CUBN: variants seen among roughly 807,000 people sequenced by gnomAD.
The protein encoded by CUBN is cubilin, also known as 460 kDa receptor.
In CUBN, 282 loss-of-function variants were observed where a neutral mutation model predicts 405.3. The observed-to-expected ratio is 0.70, with a 90% CI of 0.63 to 0.77. The LOEUF is 0.77. Among genes scored for constraint, CUBN ranks in the 30% least tolerant of loss-of-function variants. The probability of loss-of-function intolerance (pLI) is 0.00; values close to 1 mark genes in which losing one functional copy is unlikely to be tolerated. For missense variants in CUBN, 4,514 were observed against 4,475.2 expected, an observed-to-expected ratio of 1.01 and a Z score of -0.25; for synonymous variants, 1,684 against 1,617.0, an observed-to-expected ratio of 1.04 and a Z score of -0.99.
intron 64 of CUBN, among the ~76,000 whole-genome samples, chr10:16,833,747 AG>A (rs1240356882): frequency 6.6e-6 from 1 of 152,242 alleles, no homozygotes; most frequent in Non-Finnish European, 1.5e-5. Context: ...AGCTGAGCAG[AG>A]GCCCGCTAGA....
At chr10:16,855,633 C>A (rs1447283290) in intron 59 of CUBN, among the ~76,000 whole-genome samples, 1 of 152,118 alleles carries the variant, frequency 6.6e-6, no homozygotes, top group African/African-American at 2.4e-5. Flanking sequence ...CATTATAAGA[C>A]ACTGAATTTT....
At chr10:17,085,941 C>T (rs967352024) in intron 15 of CUBN, among the ~76,000 whole-genome samples, 182 bp from the exon 16 acceptor site, 1 of 151,798 alleles carries the variant, frequency 6.6e-6, no homozygotes, top group Non-Finnish European at 1.5e-5. Context: ...TCTCCCATCA[C>T]CCCAATGCCT....
rs554703533 is a variant in CUBN at position 17,105,320 on chromosome 10, T to C, written c.1230+137A>G. ...AACTAAAATCATTATCTATCTTTCA[T>C]CTGAGAGTTCTCGACAGTTCCTTAT... On this transcript the variant is annotated intron_variant, in intron 11 of 66. Coordinates refer to ENST00000377833, the MANE Select transcript of CUBN (RefSeq NM_001081.4). 3.1e-5 allele frequency: 23 copies of C among 745,160 alleles called. No homozygotes were observed. In the South Asian group the frequency reaches 3.3e-4, roughly 11 times the overall value. 46.2% of individuals were successfully genotyped at this position (745,160 alleles called of 1,614,324 possible). A position where few individuals can be genotyped will look rare whatever the true frequency, so the allele number is the denominator to read the frequency against.
chr10:17,084,227 T>G (rs1260745160), intron 17 of CUBN, 44 bp downstream of exon 17: 4 of 1,590,072 alleles, frequency 2.5e-6, no homozygotes, highest in Non-Finnish European at 8.6e-7. Context: ...AATATAAAAA[T>G]GTTGATGAAT....
intron 27 of CUBN, among the ~76,000 whole-genome samples, chr10:17,025,631 C>T (rs79775313): frequency 0.013 from 1,932 of 152,168 alleles, 18 homozygotes; most frequent in Non-Finnish European, 0.021. Flanking sequence ...AGAGAAACCA[C>T]CCAAAATAGC....
chr10:16,946,344 A>G (rs1007992411), intron 36 of CUBN, among the ~76,000 whole-genome samples: 2 of 152,150 alleles, frequency 1.3e-5, no homozygotes, highest in African/African-American at 4.8e-5. Context: ...TCAGAATGTG[A>G]TAGGATCCTA....
At chr10:16,943,733 C>T (rs1287650536) in intron 36 of CUBN, among the ~76,000 whole-genome samples, 1 of 152,156 alleles carries the variant, frequency 6.6e-6, no homozygotes, top group South Asian at 2.1e-4. Flanking sequence ...CACCAACCAA[C>T]TCAGTGAGAA....
chr10:16,888,663 CAT>C, intron 55 of CUBN, 97 bp from the exon 56 acceptor site: 1 of 1,029,226 alleles, frequency 9.7e-7, no homozygotes. Context: ...TATCTATAGA[CAT>C]AGTTCCCTGA....
intron 31 of CUBN, among the ~76,000 whole-genome samples, chr10:16,980,142 A>G (rs369249347): frequency 1.3e-5 from 2 of 152,354 alleles, no homozygotes; most frequent in South Asian, 2.1e-4. Context: ...CCACAATGAG[A>G]TACCATCTCA....
intron 6 of CUBN, chr10:17,122,192 G>C (rs1339339829): frequency 1.3e-5 from 2 of 159,112 alleles, no homozygotes; most frequent in Admixed American, 6.1e-5. Flanking sequence ...TGCCTGAGCT[G>C]AGCAGGAGAA....
At chr10:16,872,013 T>C (rs1207902540) in intron 58 of CUBN, among the ~76,000 whole-genome samples, 1 of 152,082 alleles carries the variant, frequency 6.6e-6, no homozygotes, top group Non-Finnish European at 1.5e-5. Context: ...CCACTTGAGG[T>C]CAGGGATTCA....
chr10:16,974,792 C>T (rs1833043721), intron 31 of CUBN, among the ~76,000 whole-genome samples: 2 of 152,126 alleles, frequency 1.3e-5, no homozygotes, highest in South Asian at 2.1e-4. Context: ...TCCTCCCCAA[C>T]CCACTCAATG....
chr10:16,838,747 C>T (rs545058035), intron 62 of CUBN, among the ~76,000 whole-genome samples: 394 of 152,272 alleles, frequency 2.6e-3, no homozygotes, highest in African/African-American at 8.6e-3. Flanking sequence ...CAGGTTCAAG[C>T]GATTCTCCTA....
chr10:16,932,345 A>C (rs1281571732), intron 40 of CUBN, among the ~76,000 whole-genome samples: 1 of 152,214 alleles, frequency 6.6e-6, no homozygotes, highest in Non-Finnish European at 1.5e-5. Flanking sequence ...TGGGGGCCAC[A>C]CTGAGAAATA....
In CUBN at chr10:16,937,713, G is replaced by A. The variant is rs781576388; in HGVS notation, c.5805C>T (p.Ser1935=). ...GAAATGTCAAAGAATTTCCAGTGGA[G>A]CTGAAAGATTCAGTCTGGGTACCAC... ...AYCGTQTESF[S]STGNSLTFHF... Residue 1935 remains serine (S), a synonymous_variant, in exon 39 of 67, where the codon AGC becomes AGT. Coordinates refer to ENST00000377833, the MANE Select transcript of CUBN (RefSeq NM_001081.4). 6.2e-6 allele frequency: 10 copies of A among 1,614,104 alleles called. No homozygotes were observed. Among genetic ancestry groups the A allele is most frequent in the Non-Finnish European group, 8.5e-6 (10 of 1,179,990 alleles).
intron 59 of CUBN, among the ~76,000 whole-genome samples, chr10:16,855,396 G>A (rs530904861): frequency 1.4e-4 from 21 of 152,168 alleles, no homozygotes; most frequent in African/African-American, 3.9e-4. Flanking sequence ...GGCCTTAAAC[G>A]TGCTTACGTT....
At chr10:17,072,405 G>C (rs541316140) in intron 17 of CUBN, among the ~76,000 whole-genome samples, 1 of 152,194 alleles carries the variant, frequency 6.6e-6, no homozygotes, top group South Asian at 2.1e-4. Flanking sequence ...ATGAAAGAGA[G>C]AGAAAGTAAA....
chr10:17,091,768 T>G (rs550690275), intron 14 of CUBN, among the ~76,000 whole-genome samples: 1 of 152,194 alleles, frequency 6.6e-6, no homozygotes, highest in Admixed American at 6.6e-5. Flanking sequence ...ACCCCCTGGA[T>G]TTAACCAAAC....
At chr10:17,127,799 C>T (rs765306345) in intron 3 of CUBN, 30 bp downstream of exon 3, 25 of 1,505,344 alleles carry the variant, frequency 1.7e-5, no homozygotes, top group South Asian at 4.5e-5. Flanking sequence ...GAGAACTCAT[C>T]GGTTCTTATG....
Sources: allele counts gnomAD v4.1 joint callset (sites outside exome capture counted in the v4.1 genomes callset), GRCh38; gene constraint gnomAD v4.1.1; transcripts MANE v1.5; gene names NCBI Gene and HGNC (gene_info 2026-07-23, HGNC 2026-07-21).